The following SLC25A21 variants were observed in gnomAD, a reference collection of about 807,000 sequenced individuals.
SLC25A21 encodes the protein solute carrier family 25 member 21.
A neutral mutation model predicts 43.8 loss-of-function variants in SLC25A21; 47 were observed. The observed-to-expected ratio is 1.07, with a 90% confidence interval of 0.85 to 1.37. The LOEUF (loss-of-function observed/expected upper bound fraction) is 1.37, where lower values mean the gene tolerates loss of function less well. Among genes scored for constraint, SLC25A21 ranks in the 40% most tolerant of loss-of-function variants. SLC25A21 has a pLI of 0.00. For synonymous variants in SLC25A21, 131 were observed against 121.3 expected (o/e 1.08, Z -0.52); for missense variants, 352 against 350.2 (o/e 1.00, Z -0.04).
chr14:36,683,375 G>C (rs545853790), intron 9 of SLC25A21, among the ~76,000 whole-genome samples: 1 of 152,238 alleles, frequency 6.6e-6, no homozygotes, highest in Non-Finnish European at 1.5e-5. Context: ...GTAAAGATGA[G>C]TGGCTTTGCT....
intron 1 of SLC25A21, among the ~76,000 whole-genome samples, chr14:37,033,683 G>A (rs1480327739): frequency 6.6e-6 from 1 of 152,124 alleles, no homozygotes; most frequent in East Asian, 1.9e-4. Context: ...TTTATTCAAA[G>A]GATATTGATG....
rs1886013951 is a variant in SLC25A21 at position 36,758,413 on chromosome 14, A to G, written c.204-23840T>C. ...AGAAGACTCCCTCTGGGCCCAGGGC[A>G]TGACCCAGGAGAGGGGCGTAGTGTT... On this transcript the variant is annotated intron_variant, in intron 3 of 9. Transcript: ENST00000331299. Among the ~76,000 whole-genome samples, 3 of 152,134 alleles carry G rather than the reference A, an allele frequency of 2.0e-5. No homozygotes were observed. The South Asian group carries it at 6.2e-4, about 32-fold the overall frequency.
At position 36,887,424 on chromosome 14, in the gene SLC25A21, G is replaced by A. The variant is rs1281532905; in HGVS notation, c.71-12420C>T. 5.9e-5 allele frequency among the ~76,000 whole-genome samples: 9 copies of A among 151,932 alleles called. No individual in the cohort carries two copies. The South Asian group carries it at 6.2e-4, about 11-fold the overall frequency. ...CTAAAAATACAAAAGTTAGCTGGGC[G>A]TGGTGGTGCACACCTGTAATCCTAG... On this transcript the variant is annotated intron_variant, in intron 1 of 9. Coordinates refer to ENST00000331299, the MANE Select transcript of SLC25A21 (RefSeq NM_030631.4).
At chr14:36,842,871 C>T (rs1340095893) in intron 2 of SLC25A21, among the ~76,000 whole-genome samples, 1 of 152,022 alleles carries the variant, frequency 6.6e-6, no homozygotes, top group African/African-American at 2.4e-5. Flanking sequence ...TTTGTGGCAC[C>T]AGAGACTGAT....
intron 1 of SLC25A21, among the ~76,000 whole-genome samples, chr14:37,143,752 A>C (rs1963611282): frequency 6.6e-6 from 1 of 152,160 alleles, no homozygotes; most frequent in African/African-American, 2.4e-5. Context: ...CATCTGGGGC[A>C]ATGGAGCAGA....
At position 36,781,628 on chromosome 14, in the gene SLC25A21, A is replaced by C. The variant is rs553168536; in HGVS notation, c.203+32290T>G. ...ACTCTACACTTTAACTTCTCTACAC[A>C]AACAGTTTAAGTTTTTAATGTCACA... On this transcript the variant is annotated intron_variant, in intron 3 of 9. Transcript: ENST00000331299. 1.1e-4 allele frequency among the ~76,000 whole-genome samples: 16 copies of C among 152,276 alleles called. No homozygotes were observed. In the East Asian group the frequency reaches 3.1e-3, roughly 29 times the overall value.
At chr14:36,882,226 T>C (rs1336943784) in intron 1 of SLC25A21, among the ~76,000 whole-genome samples, 1 of 151,928 alleles carries the variant, frequency 6.6e-6, no homozygotes, top group Non-Finnish European at 1.5e-5. Context: ...CTACAAAAAA[T>C]ACAAAAATTA....
At chr14:36,846,665 AGCTACTGT>A in intron 2 of SLC25A21, among the ~76,000 whole-genome samples, 1 of 152,328 alleles carries the variant, frequency 6.6e-6, no homozygotes, top group East Asian at 1.9e-4. Context: ...TACAGGCATG[AGCTACTGT>A]GCCCTGCCAC....
At chr14:36,691,458 T>C (rs1345243485) in intron 7 of SLC25A21, among the ~76,000 whole-genome samples, 2 of 152,210 alleles carry the variant, frequency 1.3e-5, no homozygotes, top group South Asian at 2.1e-4. Flanking sequence ...GCTCCAACTG[T>C]CACCAATTAG....
chr14:36,876,485 G>A (rs1890527747), intron 1 of SLC25A21, among the ~76,000 whole-genome samples: 1 of 152,204 alleles, frequency 6.6e-6, no homozygotes, highest in Non-Finnish European at 1.5e-5. Context: ...GCTCAGGTGA[G>A]CAGAGGCCAC....
chr14:36,876,487 A>C (rs910273132), intron 1 of SLC25A21, among the ~76,000 whole-genome samples: 1 of 152,210 alleles, frequency 6.6e-6, no homozygotes, highest in African/African-American at 2.4e-5. Flanking sequence ...TCAGGTGAGC[A>C]GAGGCCACAG....
At chr14:36,764,066 A>G (rs1335778662) in intron 3 of SLC25A21, among the ~76,000 whole-genome samples, 6 of 50,142 alleles carry the variant, frequency 1.2e-4, no homozygotes, top group Non-Finnish European at 2.1e-4. Context: ...GAAAGAAAGA[A>G]AGAAAGAAAG....
At chr14:36,977,208 C>A in intron 1 of SLC25A21, among the ~76,000 whole-genome samples, 1 of 152,060 alleles carries the variant, frequency 6.6e-6, no homozygotes. Context: ...CCTAATCTAT[C>A]CTCAATAGTT....
intron 7 of SLC25A21, among the ~76,000 whole-genome samples, chr14:36,694,482 C>T (rs543996620): frequency 2.0e-5 from 3 of 152,284 alleles, no homozygotes; most frequent in Non-Finnish European, 2.9e-5. Context: ...CTTGAGGAAT[C>T]GCCACTGTCT....
chr14:36,998,355 TTTAGCAAG>T (rs1412810946), intron 1 of SLC25A21, among the ~76,000 whole-genome samples: 1 of 152,104 alleles, frequency 6.6e-6, no homozygotes, highest in East Asian at 1.9e-4. Flanking sequence ...GTGTGTTGAG[TTTAGCAAG>T]TTTGACAGAT....
chr14:36,791,912 C>G (rs1887499662), intron 3 of SLC25A21, among the ~76,000 whole-genome samples: 1 of 152,038 alleles, frequency 6.6e-6, no homozygotes, highest in Non-Finnish European at 1.5e-5. Context: ...CAAAAATATT[C>G]TATTTCTTGG....
chr14:36,758,794 T>C (rs1886031210), intron 3 of SLC25A21, among the ~76,000 whole-genome samples: 1 of 152,070 alleles, frequency 6.6e-6, no homozygotes, highest in East Asian at 1.9e-4. Flanking sequence ...GGAACCGAAT[T>C]CTTTGGTTCT....
At chr14:36,869,716 A>G (rs1415764636) in intron 2 of SLC25A21, among the ~76,000 whole-genome samples, 3 of 152,226 alleles carry the variant, frequency 2.0e-5, no homozygotes, top group African/African-American at 7.2e-5. Flanking sequence ...GCCCCATACC[A>G]GAAACAAGAG....
intron 1 of SLC25A21, among the ~76,000 whole-genome samples, chr14:36,924,774 T>C (rs900988157): frequency 2.0e-5 from 3 of 152,178 alleles, no homozygotes; most frequent in Admixed American, 6.6e-5. Flanking sequence ...TTTCAGAGTA[T>C]TTACACTATT....
Sources: allele counts gnomAD v4.1 joint callset (sites outside exome capture counted in the v4.1 genomes callset), GRCh38; gene constraint gnomAD v4.1.1; transcripts MANE v1.5; gene names NCBI Gene and HGNC (gene_info 2026-07-23, HGNC 2026-07-21).